Variants in TUBGCP3 observed in about 807,000 individuals in gnomAD.
TUBGCP3 encodes the protein tubulin gamma complex component 3.
A neutral mutation model predicts 123.1 loss-of-function variants in TUBGCP3; 50 were observed. The observed-to-expected ratio is 0.41, with a 90% CI of 0.32 to 0.51. The LOEUF is 0.51. TUBGCP3 is among the 20% of genes least tolerant of loss of function. The pLI is 0.36. For synonymous variants in TUBGCP3, 405 were observed against 413.9 expected (o/e 0.98, Z 0.26); for missense variants, 882 against 1,127.0 (o/e 0.78, Z 3.11).
At chr13:112,528,135 G>A (rs958845730) in intron 11 of TUBGCP3, among the ~76,000 whole-genome samples, 6 of 152,216 alleles carry the variant, frequency 3.9e-5, no homozygotes, top group Admixed American at 1.3e-4. Context: ...CATCACTGCC[G>A]TTAGAAAGGA....
intron 20 of TUBGCP3, among the ~76,000 whole-genome samples, chr13:112,496,733 T>A (rs955024804): frequency 8.5e-5 from 13 of 152,118 alleles, no homozygotes; most frequent in Admixed American, 6.5e-5. Context: ...ATGCTTGTAA[T>A]CCCAGCACTT....
In TUBGCP3 at chr13:112,496,435, C is replaced by G. The variant is rs1566530558; in HGVS notation, c.2448+2610G>C. ...CTTTCCAGGAGGCGACTTGCATGAT[C>G]TCTTCAGAACTTTCAGGGGACCTCA... On this transcript the variant is annotated intron_variant, in intron 20 of 21. Transcript: ENST00000261965. 1.3e-5 allele frequency among the ~76,000 whole-genome samples: 2 copies of G among 152,332 alleles called. 1 individual carries two copies. Among genetic ancestry groups the G allele is most frequent in the East Asian group, 3.9e-4 (2 of 5,180 alleles).
chr13:112,535,124 T>C (rs551415744), intron 11 of TUBGCP3, among the ~76,000 whole-genome samples: 11 of 152,360 alleles, frequency 7.2e-5, no homozygotes, highest in Non-Finnish European at 8.8e-5. Context: ...CAGATTTTCA[T>C]TTTTTTGTTA....
chr13:112,565,237 G>T, intron 2 of TUBGCP3, 59 bp from the exon 3 acceptor site: 1 of 1,453,886 alleles, frequency 6.9e-7, no homozygotes, highest in Non-Finnish European at 9.6e-7. Flanking sequence ...TCATTCTTAT[G>T]ATACTATTTC....
rs552191388 is a variant in TUBGCP3 at position 112,494,295 on chromosome 13, TA to T, written c.2449-4599del. Among the ~76,000 whole-genome samples the T allele has an allele frequency of 1.2e-3, 187 of 152,360 alleles. 3 individuals carry two copies. Among genetic ancestry groups the T allele is most frequent in the Middle Eastern group, 0.01 (3 of 294 alleles). On this transcript the variant is annotated intron_variant, in intron 20 of 21. Coordinates refer to ENST00000261965, the MANE Select transcript of TUBGCP3 (RefSeq NM_006322.6). ...CCTGAGTTCGGCACTGGTTCCTGCC[TA>T]ACAGTATTCCAAAGTGGTTATTCCA...
chr13:112,501,166 C>T (rs147915784), intron 19 of TUBGCP3, among the ~76,000 whole-genome samples: 4 of 152,188 alleles, frequency 2.6e-5, no homozygotes, highest in African/African-American at 4.8e-5. Flanking sequence ...GTGATTAATG[C>T]GGCAAACACA....
intron 17 of TUBGCP3, among the ~76,000 whole-genome samples, chr13:112,509,491 TAAGC>T (rs1881527692): frequency 6.6e-6 from 1 of 152,240 alleles, no homozygotes; most frequent in African/African-American, 2.4e-5. Context: ...AAGGTTTCTA[TAAGC>T]AAGGTCAATT....
intron 11 of TUBGCP3, among the ~76,000 whole-genome samples, chr13:112,536,718 A>G (rs9604340): frequency 0.14 from 20,925 of 152,154 alleles, 2,431 homozygotes; most frequent in African/African-American, 0.31. Context: ...TCTTTATTAT[A>G]AAGTATGTGT....
chr13:112,507,693 A>G (rs1021380841), intron 17 of TUBGCP3, among the ~76,000 whole-genome samples: 2 of 152,172 alleles, frequency 1.3e-5, no homozygotes, highest in African/African-American at 4.8e-5. Context: ...TCTCAGGGTC[A>G]GTCAAGCCAG....
rs1176926124 is a variant in TUBGCP3 at position 112,549,896 on chromosome 13, A to G, written c.967-1720T>C. 2.7e-5 allele frequency among the ~76,000 whole-genome samples: 4 copies of G among 149,894 alleles called. No individual in the cohort carries two copies. In the East Asian group the frequency reaches 6.1e-4, roughly 23 times the overall value. On this transcript the variant is annotated intron_variant, in intron 8 of 21. Coordinates refer to ENST00000261965, the MANE Select transcript of TUBGCP3 (RefSeq NM_006322.6). ...TCCCAGCTACTCAGGAGGCTGAGGC[A>G]GGAGAATGGCTTGAACACAGGAGGC...
intron 8 of TUBGCP3, among the ~76,000 whole-genome samples, chr13:112,551,757 T>C (rs1404026802): frequency 6.6e-6 from 1 of 151,938 alleles, no homozygotes; most frequent in East Asian, 1.9e-4. Flanking sequence ...GCTATGATAA[T>C]CGATAAGGAG....
chr13:112,563,805 G>A (rs1324308320), intron 3 of TUBGCP3, among the ~76,000 whole-genome samples: 6 of 151,758 alleles, frequency 4.0e-5, no homozygotes, highest in Non-Finnish European at 7.4e-5. Context: ...AACCCAGAAG[G>A]CAGAGCTTGC....
intron 3 of TUBGCP3, among the ~76,000 whole-genome samples, chr13:112,563,908 T>G (rs1301843524): frequency 6.6e-6 from 1 of 151,680 alleles, no homozygotes; most frequent in Non-Finnish European, 1.5e-5. Flanking sequence ...TATGTTTTCA[T>G]CCAATGGCTA....
chr13:112,497,450 G>T (rs1227615627), intron 20 of TUBGCP3, among the ~76,000 whole-genome samples: 4 of 152,186 alleles, frequency 2.6e-5, no homozygotes, highest in African/African-American at 9.7e-5. Context: ...AGTGGTTGAG[G>T]ACTCTCTAAG....
intron 21 of TUBGCP3, 101 bp from the exon 22 acceptor site, chr13:112,486,252 T>C (rs977467172): frequency 4.2e-5 from 60 of 1,424,022 alleles, no homozygotes; most frequent in Non-Finnish European, 5.6e-5. Context: ...CTGTTTTTCC[T>C]TCCAGATCAA....
At chr13:112,502,437 C>T (rs1014116131) in intron 19 of TUBGCP3, among the ~76,000 whole-genome samples, 9 of 152,028 alleles carry the variant, frequency 5.9e-5, no homozygotes, top group Non-Finnish European at 8.8e-5. Context: ...AGAGAGGCAA[C>T]GGCTGGCAGG....
At chr13:112,505,926 G>C (rs1232305870) in intron 17 of TUBGCP3, among the ~76,000 whole-genome samples, 1 of 152,142 alleles carries the variant, frequency 6.6e-6, no homozygotes, top group African/African-American at 2.4e-5. Context: ...CCTGGGTCTC[G>C]GGAAGGGGCT....
chr13:112,601,049 G>A, the TUBGCP3 span, among the ~76,000 whole-genome samples: 37 of 151,986 alleles, frequency 2.4e-4, no homozygotes, highest in African/African-American at 5.3e-4. Flanking sequence ...TTAGTCAAAC[G>A]CAGTAGCGTT....
chr13:112,545,999 T>C lies in TUBGCP3; in HGVS notation c.1169-134A>G, dbSNP rs1197720420. 24 of 940,602 alleles carry C rather than the reference T, an allele frequency of 2.6e-5. No homozygotes were observed. The highest frequency in any genetic ancestry group is 3.7e-5 in the Non-Finnish European group (24 of 644,864). The allele number at this position is 940,602 out of a possible 1,614,324, so 58.3% of individuals were successfully genotyped here. On this transcript the variant is annotated intron_variant, in intron 10 of 21. Coordinates refer to ENST00000261965, the MANE Select transcript of TUBGCP3 (RefSeq NM_006322.6). This position sits in a 1 kb window ranked among gnomAD's most constrained non-coding sequence, Gnocchi z 4.1. ...TTTGTTTTCTTACAGTTAATACCAC[T>C]TTGGACCTAGAAGCAGCAGTAACAT...
Sources: allele counts gnomAD v4.1 joint callset (sites outside exome capture counted in the v4.1 genomes callset), GRCh38; gene constraint gnomAD v4.1.1; non-coding constraint Gnocchi (gnomAD v3.1); transcripts MANE v1.5; gene names NCBI Gene and HGNC (gene_info 2026-07-23, HGNC 2026-07-21).